MYO1E: variants seen among roughly 807,000 people sequenced by gnomAD.
The protein encoded by MYO1E is myosin IE.
A neutral mutation model predicts 151.1 loss-of-function variants in MYO1E; 68 were observed. That is an observed-to-expected ratio of 0.45 (90% confidence interval 0.37 to 0.55). MYO1E has a LOEUF of 0.55. MYO1E is among the 20% of genes least tolerant of loss of function. MYO1E has a pLI of 0.00. For synonymous variants in MYO1E, 601 were observed against 501.7 expected, an observed-to-expected ratio of 1.20 and a Z score of -2.64; for missense variants, 1,363 against 1,389.3, an observed-to-expected ratio of 0.98 and a Z score of 0.30.
chr15:59,162,949 T>C (rs1401672366), intron 23 of MYO1E, among the ~76,000 whole-genome samples: 3 of 152,180 alleles, frequency 2.0e-5, no homozygotes, highest in African/African-American at 7.2e-5. Context: ...TATGAAGTCA[T>C]TATTTCACAG....
intron 6 of MYO1E, among the ~76,000 whole-genome samples, chr15:59,230,104 G>A (rs763939659): frequency 2.6e-5 from 4 of 151,922 alleles, no homozygotes; most frequent in East Asian, 1.9e-4. Context: ...GTGTTTTCTC[G>A]ATTATTATCA....
At chr15:59,203,690 A>C (rs544683267) in intron 15 of MYO1E, among the ~76,000 whole-genome samples, 20 of 152,308 alleles carry the variant, frequency 1.3e-4, no homozygotes, top group African/African-American at 4.8e-4. Context: ...TACTTTCATT[A>C]GTGGTGCTAT....
intron 6 of MYO1E, 115 bp downstream of exon 6, chr15:59,231,587 G>C: frequency 8.9e-7 from 1 of 1,118,074 alleles, no homozygotes; most frequent in Non-Finnish European, 1.4e-6. Flanking sequence ...GATCGAAGAG[G>C]TGGCCTCCTG....
chr15:59,273,337 T>C (rs1321394303), intron 1 of MYO1E, among the ~76,000 whole-genome samples: 7 of 151,658 alleles, frequency 4.6e-5, no homozygotes, highest in African/African-American at 7.3e-5. Context: ...TATGGCACAC[T>C]TGGGGAGCTT....
intron 2 of MYO1E, among the ~76,000 whole-genome samples, chr15:59,269,832 G>A (rs955823810): frequency 9.9e-5 from 15 of 151,960 alleles, no homozygotes; most frequent in East Asian, 1.9e-4. Context: ...TCAGCCTGGC[G>A]AGAGAGCAAG....
intron 1 of MYO1E, among the ~76,000 whole-genome samples, chr15:59,338,326 T>C (rs1267064528): frequency 2.0e-5 from 3 of 150,880 alleles, no homozygotes; most frequent in Non-Finnish European, 4.4e-5. Context: ...TTGAAATGTC[T>C]TCCACAGCAC....
At chr15:59,157,052 G>A (rs188430000) in intron 25 of MYO1E, among the ~76,000 whole-genome samples, 82 of 151,560 alleles carry the variant, frequency 5.4e-4, no homozygotes, top group African/African-American at 1.8e-3. Context: ...GTGAGACTCC[G>A]TGTCTACAAA....
At chr15:59,248,159 A>C (rs1385394686) in intron 4 of MYO1E, among the ~76,000 whole-genome samples, 2 of 149,670 alleles carry the variant, frequency 1.3e-5, no homozygotes, top group South Asian at 4.2e-4. Context: ...AAAAAAGATA[A>C]ATTAGTGAAC....
chr15:59,339,788 G>A (rs1237107651), intron 1 of MYO1E, among the ~76,000 whole-genome samples: 1 of 151,992 alleles, frequency 6.6e-6, no homozygotes, highest in Non-Finnish European at 1.5e-5. Flanking sequence ...AGGAGTTAAA[G>A]ACCAGCCTAG....
intron 17 of MYO1E, 66 bp from the exon 18 acceptor site, chr15:59,188,282 C>G: frequency 1.5e-6 from 2 of 1,315,818 alleles, no homozygotes; most frequent in Non-Finnish European, 1.1e-6. Flanking sequence ...TTCTTACCAG[C>G]CAACCCCCAA....
intron 1 of MYO1E, among the ~76,000 whole-genome samples, chr15:59,307,000 A>T (rs2080518443): frequency 6.6e-6 from 1 of 152,216 alleles, no homozygotes; most frequent in South Asian, 2.1e-4. Context: ...TCAAAGTGGA[A>T]CCGCTGGTCA....
At chr15:59,203,933 C>T (rs2079817477) in intron 15 of MYO1E, among the ~76,000 whole-genome samples, 1 of 152,178 alleles carries the variant, frequency 6.6e-6, no homozygotes, top group South Asian at 2.1e-4. Context: ...TCCAGGAAGT[C>T]TCCCCAGCAG....
chr15:59,202,238 C>A, intron 16 of MYO1E, 88 bp downstream of exon 16: 1 of 1,145,610 alleles, frequency 8.7e-7, no homozygotes, highest in South Asian at 1.2e-5. Context: ...GTCTCACTGA[C>A]CTCATCCTGG....
chr15:59,281,394 G>A (rs2080352565), intron 1 of MYO1E, among the ~76,000 whole-genome samples: 1 of 151,304 alleles, frequency 6.6e-6, no homozygotes, highest in African/African-American at 2.4e-5. Flanking sequence ...TCCTGCCTCA[G>A]TCTCCCGAAT....
intron 1 of MYO1E, among the ~76,000 whole-genome samples, chr15:59,281,584 T>C (rs1315455252): frequency 3.3e-5 from 5 of 150,896 alleles, no homozygotes; most frequent in African/African-American, 1.2e-4. Flanking sequence ...CCCCCATGAC[T>C]TTTCTGACAT....
chr15:59,236,711 AT>A (rs1370888808), intron 4 of MYO1E, 39 bp from the exon 5 acceptor site: 2 of 1,519,728 alleles, frequency 1.3e-6, no homozygotes, highest in Non-Finnish European at 1.8e-6. Flanking sequence ...TGAGAAGTGG[AT>A]TGCGACCAGC....
chr15:59,144,808 G>T (rs1206103963), intron 26 of MYO1E, among the ~76,000 whole-genome samples: 1 of 152,130 alleles, frequency 6.6e-6, no homozygotes, highest in African/African-American at 2.4e-5. Flanking sequence ...GCGTCACTAG[G>T]TGGCAATCCT....
chr15:59,187,951 T>C (rs1485839080), intron 18 of MYO1E, among the ~76,000 whole-genome samples, 167 bp downstream of exon 18: 1 of 152,254 alleles, frequency 6.6e-6, no homozygotes, highest in Admixed American at 6.5e-5. Context: ...CGTGATTTCT[T>C]TTCAGGGTAA....
chr15:59,372,444 T>C (rs1468742745), intron 1 of MYO1E, 54 bp downstream of exon 1: 1 of 1,535,510 alleles, frequency 6.5e-7, no homozygotes, highest in Admixed American at 2.0e-5. Context: ...CACGCCGGGG[T>C]TTCCTGCCCC....
Sources: gnomAD v4.1 joint callset for allele counts (sites outside exome capture counted in the v4.1 genomes callset) on GRCh38, gnomAD v4.1.1 for gene constraint, MANE v1.5 for transcripts, NCBI Gene and HGNC (gene_info 2026-07-23, HGNC 2026-07-21) for gene names.